GLB1: variants seen among roughly 807,000 people sequenced by gnomAD.
GLB1 encodes the protein galactosidase beta 1, also known as beta-galactosidase.
In GLB1, 56 loss-of-function variants were observed where a neutral mutation model predicts 74.0. That is an observed-to-expected ratio of 0.76 (90% CI 0.61 to 0.94). GLB1 has a LOEUF of 0.94. Ranked by LOEUF, GLB1 falls within the 40% of genes least tolerant of loss-of-function variation. GLB1 has a pLI of 0.00. For missense variants in GLB1, 787 were observed against 845.5 expected (o/e 0.93, Z 0.86); for synonymous variants, 323 against 323.6 (o/e 1.00, Z 0.02).
chr3:33,052,002 G>T lies in GLB1; in HGVS notation c.795C>A (p.Ile265=), dbSNP rs1339270920. The T allele has an allele frequency of 6.2e-7, 1 of 1,614,044 alleles. No individual in the cohort carries two copies. Among genetic ancestry groups the T allele is most frequent in the South Asian group, 1.1e-5 (1 of 91,068 alleles). The change falls in exon 8 of 16, where the codon ATC becomes ATA. Residue 265 remains isoleucine (I), a splice_region_variant and synonymous_variant. Transcript: ENST00000307363. ...GCCAGCCAGTATAGAATTCAGAATT[G>T]ATCTAAAACAAAAAAAGAACGTAGC... The part of the protein sequence containing the change: ...QRKCEPKGPL[I]NSEFYTGWLD...
At chr3:33,000,420 C>A (rs563511636) in intron 15 of GLB1, among the ~76,000 whole-genome samples, 1 of 152,134 alleles carries the variant, frequency 6.6e-6, no homozygotes, top group African/African-American at 2.4e-5. Context: ...TAAAAATGAA[C>A]GTTCTTGTAA....
At chr3:33,059,699 T>A (rs1189675433) in intron 5 of GLB1, among the ~76,000 whole-genome samples, 1 of 152,214 alleles carries the variant, frequency 6.6e-6, no homozygotes. Flanking sequence ...TCTAGGGCAC[T>A]GGCCACGTGC....
At chr3:33,039,611 C>CTT (rs967180497) in intron 10 of GLB1, among the ~76,000 whole-genome samples, 1 of 152,046 alleles carries the variant, frequency 6.6e-6, no homozygotes, top group African/African-American at 2.4e-5. Context: ...AATGGAAGCG[C>CTT]TTAGGAGATA....
the GLB1 span, among the ~76,000 whole-genome samples, chr3:32,965,073 T>A: frequency 6.6e-6 from 1 of 152,200 alleles, no homozygotes; most frequent in African/African-American, 2.4e-5. Context: ...CTTTCCTTTA[T>A]AAATTACCCA....
At position 32,996,918 on chromosome 3, in the gene GLB1, C is replaced by G; in HGVS notation, c.*127G>C. The stretch of plus-strand genomic sequence containing the variant: ...GCACTGCAGGGATGCAGGGAAACCT[C>G]AGGTGAAAATGCACATCCTAAATTC... On this transcript the variant is annotated 3_prime_UTR_variant, in exon 16 of 16. Coordinates refer to ENST00000307363, the MANE Select transcript of GLB1 (RefSeq NM_000404.4). 1 of 1,566,116 alleles carries G rather than the reference C, an allele frequency of 6.4e-7. No individual in the cohort carries two copies. Among genetic ancestry groups the G allele is most frequent in the Non-Finnish European group, 8.7e-7 (1 of 1,150,610 alleles).
At chr3:33,087,899 G>T (rs913622064) in intron 1 of GLB1, among the ~76,000 whole-genome samples, 5 of 151,966 alleles carry the variant, frequency 3.3e-5, no homozygotes, top group African/African-American at 1.2e-4. Context: ...ACATTAAAAG[G>T]GTTATATACT....
chr3:33,069,522 A>C (rs565075012), intron 2 of GLB1, among the ~76,000 whole-genome samples: 2 of 152,130 alleles, frequency 1.3e-5, no homozygotes, highest in African/African-American at 2.4e-5. Context: ...TCCAGGGGAG[A>C]TATTTTGTTT....
Position 33,045,643 on chromosome 3 carries a change from T to A in GLB1, c.1068+477A>T, listed in dbSNP as rs1269184918. ...AACCAGAGCTTAGCTTTACCTCTTTTGATATTGAAGTACATTAGCTGTGTC... is the reference window on the plus strand; with the variant it reads ...AACCAGAGCTTAGCTTTACCTCTTTAGATATTGAAGTACATTAGCTGTGTC... On this transcript the variant is annotated intron_variant, in intron 10 of 15. Transcript: ENST00000307363. The A allele has an allele frequency of 6.0e-6, 6 of 993,864 alleles. No individual in the cohort carries two copies. In the East Asian group the frequency reaches 6.3e-4, roughly 104 times the overall value. The allele number at this position is 993,864 out of a possible 1,614,324, so 61.6% of individuals were successfully genotyped here. A position where few individuals can be genotyped will look rare whatever the true frequency, so the allele number is the denominator to read the frequency against.
the GLB1 span, among the ~76,000 whole-genome samples, chr3:32,986,659 C>T: frequency 4.5e-4 from 68 of 150,848 alleles, no homozygotes; most frequent in African/African-American, 1.5e-3. Context: ...GGCATGATCT[C>T]GGCTCACTGC....
intron 5 of GLB1, 116 bp downstream of exon 5, chr3:33,065,347 T>A: frequency 7.4e-7 from 1 of 1,358,078 alleles, no homozygotes; most frequent in South Asian, 1.3e-5. Flanking sequence ...TCTGTGGCAT[T>A]ACCTCTTAAA....
the GLB1 span, among the ~76,000 whole-genome samples, chr3:32,987,044 T>A: frequency 1.3e-5 from 2 of 152,332 alleles, no homozygotes; most frequent in South Asian, 4.1e-4. Context: ...CCAGCTACCA[T>A]GAGCGTTGGC....
intron 10 of GLB1, among the ~76,000 whole-genome samples, chr3:33,036,399 A>G (rs113368446): frequency 2.0e-5 from 3 of 152,356 alleles, no homozygotes; most frequent in African/African-American, 7.2e-5. Flanking sequence ...TTTATGCAAT[A>G]AAGCTTATGT....
At chr3:33,029,810 T>TAGG (rs1491376518) in intron 10 of GLB1, among the ~76,000 whole-genome samples, 1 of 151,938 alleles carries the variant, frequency 6.6e-6, no homozygotes, top group Non-Finnish European at 1.5e-5. Context: ...GGGTGGTAGG[T>TAGG]AGGAGGAGGC....
At chr3:33,010,039 TAATAC>T (rs1166549882) in intron 15 of GLB1, among the ~76,000 whole-genome samples, 3 of 152,250 alleles carry the variant, frequency 2.0e-5, no homozygotes, top group Non-Finnish European at 4.4e-5. Flanking sequence ...ACAGTTATTA[TAATAC>T]TGCTATAAAC....
At position 33,014,247 on chromosome 3, in the gene GLB1, C is replaced by G. The variant is rs575625235; in HGVS notation, c.1543G>C (p.Asp515His). Residue 515 changes from aspartate (D) to histidine (H), a missense_variant, in exon 15 of 16, where the codon GAC (aspartate) becomes CAC (histidine). Coordinates refer to ENST00000307363, the MANE Select transcript of GLB1 (RefSeq NM_000404.4). ...TGGCTGCACACTGCATCCTCAGTGT[C>G]CAGTGGAAAGATCGTCCAGTCCGTG... ...ILTDWTIFPLDTEDAVCSHLG... is the reference protein window; with the variant it reads ...ILTDWTIFPLHTEDAVCSHLG... 3.1e-6 allele frequency: 5 copies of G among 1,613,978 alleles called. No individual in the cohort carries two copies. The highest frequency in any genetic ancestry group is 4.2e-6 in the Non-Finnish European group (5 of 1,180,020).
At chr3:33,062,713 AG>A (rs1247391488) in intron 5 of GLB1, among the ~76,000 whole-genome samples, 1 of 152,134 alleles carries the variant, frequency 6.6e-6, no homozygotes, top group East Asian at 1.9e-4. Flanking sequence ...ACTTGAACCC[AG>A]GAGGTGGAGG....
intron 1 of GLB1, chr3:33,094,428 T>C: frequency 8.7e-7 from 1 of 1,149,206 alleles, no homozygotes; most frequent in East Asian, 2.9e-5. Flanking sequence ...TACCAGTCAG[T>C]TGCTAGCTAT....
chr3:33,043,352 C>T (rs533932954), intron 10 of GLB1, among the ~76,000 whole-genome samples: 1 of 152,254 alleles, frequency 6.6e-6, no homozygotes, highest in Admixed American at 6.5e-5. Flanking sequence ...CAGGGCTGCG[C>T]TCCCGTTGCC....
At chr3:33,014,026 A>G in intron 15 of GLB1, 30 bp downstream of exon 15, 1 of 1,614,200 alleles carries the variant, frequency 6.2e-7, no homozygotes. Flanking sequence ...TTTAGGCCTG[A>G]ATTCAAACCC....
Sources: gnomAD v4.1 joint callset for allele counts (sites outside exome capture counted in the v4.1 genomes callset) on GRCh38, gnomAD v4.1.1 for gene constraint, MANE v1.5 for transcripts, NCBI Gene and HGNC (gene_info 2026-07-23, HGNC 2026-07-21) for gene names.